Variants in RASGRF2 observed in about 807,000 individuals in gnomAD.
The protein encoded by RASGRF2 is Ras protein specific guanine nucleotide releasing factor 2, also known as ras-specific guanine nucleotide-releasing factor 2.
Under a neutral mutation model 151.0 loss-of-function variants are expected in RASGRF2, and 76 were observed. The observed-to-expected ratio is 0.50, with a 90% CI of 0.42 to 0.61. The LOEUF (loss-of-function observed/expected upper bound fraction) is 0.61. Ranked by LOEUF, RASGRF2 falls within the 20% of genes least tolerant of loss-of-function variation. The probability of loss-of-function intolerance (pLI) is 0.00; values close to 1 mark genes in which losing one functional copy is unlikely to be tolerated. For missense variants in RASGRF2, 1,148 were observed against 1,564.6 expected (o/e 0.73, Z 4.49); for synonymous variants, 504 against 566.5 (o/e 0.89, Z 1.57).
chr5:80,996,521 C>CTT (rs1561544850), intron 1 of RASGRF2, among the ~76,000 whole-genome samples: 263 of 24,666 alleles, frequency 0.011, 24 homozygotes, highest in African/African-American at 0.013. Context: ...CTCCTCCTCC[C>CTT]CCTCCTCCTC....
At chr5:80,981,529 A>ATGTG (rs1298674981) in intron 1 of RASGRF2, among the ~76,000 whole-genome samples, 1 of 151,558 alleles carries the variant, frequency 6.6e-6, no homozygotes, top group Non-Finnish European at 1.5e-5. Flanking sequence ...GTGTGTGTGT[A>ATGTG]TGTGCGTGTT....
chr5:81,047,827 T>C (rs1222054725), intron 2 of RASGRF2, among the ~76,000 whole-genome samples: 1 of 152,222 alleles, frequency 6.6e-6, no homozygotes, highest in Non-Finnish European at 1.5e-5. Context: ...TTTAGTCTTT[T>C]TGATTACCTG....
intron 23 of RASGRF2, among the ~76,000 whole-genome samples, chr5:81,213,705 G>A (rs1755672984): frequency 6.6e-6 from 1 of 152,094 alleles, no homozygotes; most frequent in Non-Finnish European, 1.5e-5. Flanking sequence ...AGGAAACCAA[G>A]CCTAAGTCCT....
chr5:81,084,675 C>T (rs1752178658), intron 7 of RASGRF2, among the ~76,000 whole-genome samples: 1 of 152,194 alleles, frequency 6.6e-6, no homozygotes, highest in African/African-American at 2.4e-5. Flanking sequence ...CCACCACTTG[C>T]ACAAGAGCCA....
At chr5:81,050,187 A>G (rs1215532698) in intron 2 of RASGRF2, among the ~76,000 whole-genome samples, 1 of 152,032 alleles carries the variant, frequency 6.6e-6, no homozygotes, top group Non-Finnish European at 1.5e-5. Flanking sequence ...ATCAACACTG[A>G]TTGCCTGTCC....
chr5:81,163,758 G>A (rs1754441276), intron 17 of RASGRF2, among the ~76,000 whole-genome samples: 2 of 152,156 alleles, frequency 1.3e-5, no homozygotes, highest in Admixed American at 1.3e-4. Flanking sequence ...TGTATAATCA[G>A]AGAGCTAGAC....
chr5:81,087,071 C>A, intron 9 of RASGRF2, 118 bp downstream of exon 9: 1 of 946,382 alleles, frequency 1.1e-6, no homozygotes, highest in Non-Finnish European at 1.7e-6. Context: ...GAAGGACCCC[C>A]CCACGGCCTT....
intron 5 of RASGRF2, among the ~76,000 whole-genome samples, chr5:81,076,924 G>A (rs1478024665): frequency 6.6e-6 from 1 of 152,256 alleles, no homozygotes; most frequent in Admixed American, 6.5e-5. Flanking sequence ...TCAGCTGCAT[G>A]GATGCAGGTG....
chr5:81,222,534 T>C (rs766562351), intron 26 of RASGRF2, among the ~76,000 whole-genome samples: 1 of 152,234 alleles, frequency 6.6e-6, no homozygotes, highest in African/African-American at 2.4e-5. Flanking sequence ...AAGGTTGTAT[T>C]GCACCATGTA....
chr5:81,026,101 G>A (rs1399675738), intron 1 of RASGRF2, among the ~76,000 whole-genome samples: 1 of 121,128 alleles, frequency 8.3e-6, no homozygotes, highest in Non-Finnish European at 1.7e-5. Context: ...CCCTTCCTCT[G>A]TTCCTTCCTC....
At chr5:81,215,104 C>T (rs111612712) in intron 23 of RASGRF2, among the ~76,000 whole-genome samples, 2 of 151,874 alleles carry the variant, frequency 1.3e-5, no homozygotes, top group African/African-American at 4.8e-5. Flanking sequence ...TTTGGGAGGC[C>T]GAGGCGGGCA....
chr5:81,085,681 G>A (rs1752208543), intron 7 of RASGRF2, 121 bp from the exon 8 acceptor site: 2 of 1,446,938 alleles, frequency 1.4e-6, no homozygotes, highest in Admixed American at 5.0e-5. Flanking sequence ...TAAAAAATGT[G>A]TAAAACAGTA....
chr5:81,177,109 C>T (rs1467923820), intron 17 of RASGRF2, among the ~76,000 whole-genome samples: 1 of 152,160 alleles, frequency 6.6e-6, no homozygotes. Flanking sequence ...CTCCCCTCAG[C>T]ACAGCCAGCA....
Position 81,226,276 on chromosome 5 carries a change from A to G in RASGRF2, c.*506A>G, listed in dbSNP as rs1246256640. ...ACAGAGATGGACCAAAACATAAGCA[A>G]TTTCAGTCTACAGCATGTGCATGGT... On this transcript the variant is annotated 3_prime_UTR_variant, in exon 27 of 27. Transcript: ENST00000265080. The G allele has an allele frequency of 6.6e-6, 1 of 152,620 alleles. No individual in the cohort carries two copies. Among genetic ancestry groups the G allele is most frequent in the African/African-American group, 2.4e-5 (1 of 41,584 alleles). The allele number at this position is 152,620 out of a possible 1,614,324, so 9.5% of individuals were successfully genotyped here.
chr5:81,091,672 TTACA>T (rs1432960106), intron 9 of RASGRF2, among the ~76,000 whole-genome samples: 1 of 152,180 alleles, frequency 6.6e-6, no homozygotes, highest in African/African-American at 2.4e-5. Context: ...TTTTACCAAC[TTACA>T]TATATATATT....
chr5:81,053,824 G>T (rs1309010070), intron 2 of RASGRF2, among the ~76,000 whole-genome samples: 1 of 151,616 alleles, frequency 6.6e-6, no homozygotes, highest in African/African-American at 2.4e-5. Context: ...CATTCTAACT[G>T]GTGTGAGATG....
intron 15 of RASGRF2, 91 bp downstream of exon 15, chr5:81,114,011 T>A (rs1318399759): frequency 3.5e-6 from 5 of 1,428,144 alleles, no homozygotes; most frequent in Admixed American, 2.1e-5. Flanking sequence ...TTCCCTTTCT[T>A]TACAACTGTA....
chr5:81,112,528 G>T (rs1753024848), intron 13 of RASGRF2, 82 bp from the exon 14 acceptor site: 1 of 1,568,228 alleles, frequency 6.4e-7, no homozygotes, highest in Admixed American at 1.7e-5. Context: ...CTGAGTGTGT[G>T]ATTACAAACG....
chr5:81,207,210 C>G, intron 20 of RASGRF2, 36 bp from the exon 21 acceptor site: 2 of 1,589,000 alleles, frequency 1.3e-6, no homozygotes, highest in Non-Finnish European at 1.7e-6. Context: ...GGCGCCCTCT[C>G]CTGGGTGTTT....
Sources: allele counts gnomAD v4.1 joint callset (sites outside exome capture counted in the v4.1 genomes callset), GRCh38; gene constraint gnomAD v4.1.1; transcripts MANE v1.5; gene names NCBI Gene and HGNC (gene_info 2026-07-23, HGNC 2026-07-21).